Variants in SRPK2 observed in about 807,000 individuals in gnomAD.
SRPK2 encodes SRSF protein kinase 2.
Under a neutral mutation model 90.8 loss-of-function variants are expected in SRPK2, and 21 were observed. That is an observed-to-expected ratio of 0.23 (90% confidence interval 0.16 to 0.33). The LOEUF (loss-of-function observed/expected upper bound fraction) is 0.33. SRPK2 is among the 10% of genes least tolerant of loss of function. SRPK2 has a pLI of 1.00. For synonymous variants in SRPK2, 288 were observed against 311.1 expected, an observed-to-expected ratio of 0.93 and a Z score of 0.78; for missense variants, 620 against 869.0, an observed-to-expected ratio of 0.71 and a Z score of 3.60.
chr7:105,322,017 C>T (rs1207520840), intron 2 of SRPK2, among the ~76,000 whole-genome samples: 2 of 152,104 alleles, frequency 1.3e-5, no homozygotes, highest in Admixed American at 6.5e-5. Flanking sequence ...GCATTATCCA[C>T]AATAGCCAAA....
chr7:105,207,658 T>TCA (rs1167705882), intron 2 of SRPK2, among the ~76,000 whole-genome samples: 1 of 152,190 alleles, frequency 6.6e-6, no homozygotes, highest in Non-Finnish European at 1.5e-5. Flanking sequence ...GACCTCTCTC[T>TCA]CACACACAGG....
chr7:105,376,757 C>G (rs1469399090), intron 2 of SRPK2, among the ~76,000 whole-genome samples: 1 of 151,422 alleles, frequency 6.6e-6, no homozygotes, highest in Admixed American at 6.6e-5. Context: ...AGGCTGGTCT[C>G]GAACTCCTGA....
At chr7:105,224,659 C>T (rs547141153) in intron 2 of SRPK2, among the ~76,000 whole-genome samples, 7 of 152,246 alleles carry the variant, frequency 4.6e-5, no homozygotes, top group Middle Eastern at 3.4e-3. Flanking sequence ...CCAGTAAATA[C>T]ATCTCTTATT....
intron 2 of SRPK2, among the ~76,000 whole-genome samples, chr7:105,308,540 T>C (rs1811378067): frequency 6.6e-6 from 1 of 152,218 alleles, no homozygotes; most frequent in Admixed American, 6.5e-5. Flanking sequence ...ACCTTCATTC[T>C]CATGACTACC....
chr7:105,115,600 A>ATTCT (rs1309771674), downstream of SRPK2: 1 of 152,194 alleles, frequency 6.6e-6, no homozygotes, highest in Non-Finnish European at 1.5e-5. Context: ...GTTTTTGTGC[A>ATTCT]TTCTTTATCA....
At chr7:105,290,842 T>C (rs1808875639) in intron 2 of SRPK2, among the ~76,000 whole-genome samples, 1 of 148,950 alleles carries the variant, frequency 6.7e-6, no homozygotes, top group South Asian at 2.2e-4. Flanking sequence ...ATCGAGACCA[T>C]CCTGGCTAAC....
intron 2 of SRPK2, among the ~76,000 whole-genome samples, chr7:105,317,515 A>G (rs1286963187): frequency 6.6e-6 from 1 of 152,210 alleles, no homozygotes; most frequent in Admixed American, 6.5e-5. Context: ...TTGGTTATTC[A>G]AATTTGGGAA....
At chr7:105,131,287 G>A (rs745488438) in intron 13 of SRPK2, among the ~76,000 whole-genome samples, 1 of 152,018 alleles carries the variant, frequency 6.6e-6, no homozygotes, top group Non-Finnish European at 1.5e-5. Flanking sequence ...CAGTGTCTCC[G>A]CAGCTCCCGT....
chr7:105,129,177 G>A (rs1227815248), intron 13 of SRPK2, among the ~76,000 whole-genome samples: 1 of 151,962 alleles, frequency 6.6e-6, no homozygotes. Context: ...CTCGTGACCC[G>A]CCTGCCTCGG....
chr7:105,291,834 T>C (rs1194372315), intron 2 of SRPK2, among the ~76,000 whole-genome samples: 3 of 151,874 alleles, frequency 2.0e-5, no homozygotes, highest in South Asian at 2.1e-4. Context: ...AAAGAAAAAA[T>C]ATCTCTACTT....
intron 3 of SRPK2, among the ~76,000 whole-genome samples, chr7:105,178,868 A>G (rs981865151): frequency 1.5e-4 from 23 of 152,142 alleles, no homozygotes; most frequent in African/African-American, 5.3e-4. Flanking sequence ...ATAAATATAA[A>G]TGAAAACACT....
At chr7:105,244,350 A>G (rs1053161830) in intron 2 of SRPK2, among the ~76,000 whole-genome samples, 1 of 152,216 alleles carries the variant, frequency 6.6e-6, no homozygotes, top group East Asian at 1.9e-4. Flanking sequence ...CTGGTGGATC[A>G]TCTGAGGTCA....
At chr7:105,279,487 T>G (rs1459682453) in intron 2 of SRPK2, among the ~76,000 whole-genome samples, 5 of 151,982 alleles carry the variant, frequency 3.3e-5, no homozygotes, top group South Asian at 4.2e-4. Context: ...GGGATCCCTA[T>G]TCCCCCTACC....
intron 3 of SRPK2, among the ~76,000 whole-genome samples, chr7:105,183,631 C>G (rs1793181855): frequency 6.6e-6 from 1 of 151,472 alleles, no homozygotes; most frequent in Admixed American, 6.6e-5. Context: ...GGAGTACAGG[C>G]ATGTGCCACC....
intron 13 of SRPK2, among the ~76,000 whole-genome samples, chr7:105,131,630 T>C (rs1234736655): frequency 6.6e-6 from 1 of 152,168 alleles, no homozygotes; most frequent in Non-Finnish European, 1.5e-5. Flanking sequence ...TTTTCTCCTA[T>C]CAGCTGGCAC....
chr7:105,335,085 C>A (rs1428347676), intron 2 of SRPK2, among the ~76,000 whole-genome samples: 2 of 152,076 alleles, frequency 1.3e-5, no homozygotes, highest in Non-Finnish European at 1.5e-5. Context: ...GAAGGAGAAT[C>A]GCTTGAACCC....
At chr7:105,241,071 T>C (rs773993040) in intron 2 of SRPK2, among the ~76,000 whole-genome samples, 11 of 152,306 alleles carry the variant, frequency 7.2e-5, no homozygotes, top group Non-Finnish European at 1.3e-4. Context: ...TAAAATAAAT[T>C]AGCTTTAAAA....
intron 2 of SRPK2, among the ~76,000 whole-genome samples, chr7:105,344,407 CTTTTTTTTTT>C (rs1178845367): frequency 3.4e-5 from 2 of 58,506 alleles, no homozygotes; most frequent in African/African-American, 6.1e-5. Context: ...GCAGCCACAC[CTTTTTTTTTT>C]TTTTTTTTTT....
intron 2 of SRPK2, among the ~76,000 whole-genome samples, chr7:105,371,935 C>G (rs1418190697): frequency 6.6e-6 from 1 of 152,004 alleles, no homozygotes; most frequent in Non-Finnish European, 1.5e-5. Context: ...GAGATCGAGA[C>G]CATTCTGGCT....
Sources: gnomAD v4.1 joint callset for allele counts (sites outside exome capture counted in the v4.1 genomes callset) on GRCh38, gnomAD v4.1.1 for gene constraint, MANE v1.5 for transcripts, NCBI Gene and HGNC (gene_info 2026-07-23, HGNC 2026-07-21) for gene names.